Variants in HAUS3 observed in about 807,000 individuals in gnomAD.
HAUS3 encodes HAUS augmin like complex subunit 3.
Under a neutral mutation model 55.2 loss-of-function variants are expected in HAUS3, and 36 were observed. That is an observed-to-expected ratio of 0.65 (90% CI 0.50 to 0.86). The LOEUF (loss-of-function observed/expected upper bound fraction) is 0.86. HAUS3 is among the 40% of genes least tolerant of loss of function. The pLI, the probability that HAUS3 is intolerant of heterozygous loss-of-function variation, is 0.00. For missense variants in HAUS3, 752 were observed against 671.5 expected (o/e 1.12, Z -1.33); for synonymous variants, 234 against 238.6 (o/e 0.98, Z 0.18).
Position 2,242,117 on chromosome 4 carries a change from G to T in HAUS3, c.-485C>A. On this transcript the variant is annotated 5_prime_UTR_variant, in exon 1 of 6. Coordinates refer to ENST00000443786, the MANE Select transcript of HAUS3 (RefSeq NM_001303143.2). ...CCGCCCTCCGTGCCCCGCGCGCCTC[G>T]CACTGCCTCACGGGAGCGCCTGGAC... The T allele has an allele frequency of 1.0e-6, 1 of 985,820 alleles. No individual in the cohort carries two copies. Among genetic ancestry groups the T allele is most frequent in the Non-Finnish European group, 1.2e-6 (1 of 830,200 alleles). The allele number at this position is 985,820 out of a possible 1,614,324, so 61.1% of individuals were successfully genotyped here.
In HAUS3 at chr4:2,240,505, G is replaced by A. The variant is rs1339478083; in HGVS notation, c.442C>T (p.Leu148=). ...NAKEEEATKK[L]KQSQGILNAM... Reference sequence around the variant, plus strand: ...TTTAGAATTCCTTGACTCTGCTTCAGCTTTTTAGTGGCTTCTTCTTCTTTA... The same window carrying A: ...TTTAGAATTCCTTGACTCTGCTTCAACTTTTTAGTGGCTTCTTCTTCTTTA... The change falls in exon 3 of 6, where the codon CTG becomes TTG. Residue 148 remains leucine (L), a synonymous_variant. Coordinates refer to ENST00000443786, the MANE Select transcript of HAUS3 (RefSeq NM_001303143.2). 1.2e-6 allele frequency: 2 copies of A among 1,613,858 alleles called. No individual in the cohort carries two copies. The highest frequency in any genetic ancestry group is 1.7e-6 in the Non-Finnish European group (2 of 1,179,964).
At chr4:2,239,076 G>A in intron 3 of HAUS3, 33 bp from the exon 4 acceptor site, 1 of 1,149,286 alleles carries the variant, frequency 8.7e-7, no homozygotes, top group Non-Finnish European at 1.2e-6. Context: ...ATTTCAAACT[G>A]TATGCCTAAA....
chr4:2,230,914 G>C lies in HAUS3; in HGVS notation c.*1013C>G, dbSNP rs1031266169. The C allele has an allele frequency of 1.3e-5, 2 of 152,144 alleles. No individual in the cohort carries two copies. Among genetic ancestry groups the C allele is most frequent in the Non-Finnish European group, 2.9e-5 (2 of 68,026 alleles). The allele number at this position is 152,144 out of a possible 1,614,324, so 9.4% of individuals were successfully genotyped here. The stretch of plus-strand genomic sequence containing the variant: ...CAAATACCATTGTTAAATACAATTA[G>C]ACATTTTTGCTCTTAAACTGATTAA... On this transcript the variant is annotated 3_prime_UTR_variant, in exon 6 of 6. Coordinates refer to ENST00000443786, the MANE Select transcript of HAUS3 (RefSeq NM_001303143.2).
intron 5 of HAUS3, chr4:2,234,387 CTAAAGGGGGTGATGT>C: frequency 6.6e-6 from 1 of 152,542 alleles, no homozygotes; most frequent in Non-Finnish European, 1.5e-5. Flanking sequence ...GCAATGACTG[CTAAAGGGGGTGATGT>C]CTCTGTGTGC....
intron 4 of HAUS3, 127 bp from the exon 5 acceptor site, chr4:2,236,583 G>C: frequency 1.5e-6 from 1 of 669,884 alleles, no homozygotes; most frequent in Admixed American, 2.6e-5. Flanking sequence ...TATTGGCCGG[G>C]TACAGTAGCT....
At chr4:2,232,768 T>C (rs1180112067) in intron 5 of HAUS3, among the ~76,000 whole-genome samples, 1 of 152,210 alleles carries the variant, frequency 6.6e-6, no homozygotes, top group African/African-American at 2.4e-5. Context: ...TAAATTCAAA[T>C]TCCTCAGTGT....
Position 2,240,254 on chromosome 4 carries a change from T to G in HAUS3, c.693A>C (p.Glu231Asp). The G allele has an allele frequency of 6.2e-7, 1 of 1,613,830 alleles. No individual in the cohort carries two copies. Among genetic ancestry groups the G allele is most frequent in the Non-Finnish European group, 8.5e-7 (1 of 1,179,810 alleles). ...QFFQGIHEVV[E>D]SSNEDNFQLL... ...GTTGAAAATTGTCTTCATTTGAACT[T>G]TCAACTACTTCATGTATACCCTGAA... is the stretch of plus-strand genomic sequence containing the variant. The change falls in exon 3 of 6, where the codon GAA (glutamate) becomes GAC (aspartate). Residue 231 changes from glutamate to aspartate, a missense_variant. Coordinates refer to ENST00000443786, the MANE Select transcript of HAUS3 (RefSeq NM_001303143.2).
Position 2,240,790 on chromosome 4 carries a change from A to T in HAUS3, c.157T>A (p.Leu53Met), listed in dbSNP as rs113667346. 1.3e-4 allele frequency: 213 copies of T among 1,613,822 alleles called. 3 individuals are homozygous for T. The South Asian group carries it at 2.3e-3, about 17-fold the overall frequency. Reference sequence around the variant, plus strand: ...AAAGCTTCCAATTCTCTTTCAGACAACACGTTCTGTTCATTCACATTCCCA... The same window carrying T: ...AAAGCTTCCAATTCTCTTTCAGACATCACGTTCTGTTCATTCACATTCCCA... ...FCGNVNEQNVLSERELEAFSI... is the reference protein window; with the variant it reads ...FCGNVNEQNVMSERELEAFSI... Residue 53 changes from leucine (L) to methionine (M), a missense_variant, in exon 3 of 6, where the codon TTG (leucine) becomes ATG (methionine). Transcript: ENST00000443786.
intron 5 of HAUS3, 80 bp downstream of exon 5, chr4:2,236,148 C>T (rs949680657): frequency 1.9e-5 from 15 of 771,372 alleles, no homozygotes; most frequent in Non-Finnish European, 3.1e-5. Flanking sequence ...ATATTTTCCT[C>T]ATGTTAACAT....
In HAUS3 at chr4:2,230,946, A is replaced by G. The variant is rs925621205; in HGVS notation, c.*981T>C. On this transcript the variant is annotated 3_prime_UTR_variant, in exon 6 of 6. Transcript: ENST00000443786. ...TTGCTCTTAAACTGATTAAAATAGT[A>G]TCATACATCTTTTGAGCAACCACTT... is the stretch of plus-strand genomic sequence containing the variant. 18 of 152,354 alleles carry G rather than the reference A, an allele frequency of 1.2e-4. No homozygotes were observed. Among genetic ancestry groups the G allele is most frequent in the African/African-American group, 4.1e-4 (17 of 41,582 alleles). 9.4% of individuals were successfully genotyped at this position (152,354 alleles called of 1,614,324 possible).
At position 2,240,218 on chromosome 4, in the gene HAUS3, T is replaced by TAAA; in HGVS notation, c.728_729insTTT (p.Ile243_Gln244insLeu). On this transcript the variant is annotated inframe_insertion, in exon 3 of 6. Coordinates refer to ENST00000443786, the MANE Select transcript of HAUS3 (RefSeq NM_001303143.2). Reference sequence around the variant, plus strand: ...GATTATCACAAATAGATGGTGTCTGTATATCTAAAAGTTGAAAATTGTCTT... The same window carrying TAAA: ...GATTATCACAAATAGATGGTGTCTGTAAAATATCTAAAAGTTGAAAATTGTCTT... 1 of 1,613,868 alleles carries TAAA rather than the reference T, an allele frequency of 6.2e-7. No individual in the cohort carries two copies. The highest frequency in any genetic ancestry group is 8.5e-7 in the Non-Finnish European group (1 of 1,179,856).
intron 1 of HAUS3, 58 bp from the exon 2 acceptor site, chr4:2,241,848 C>T (rs1001915797): frequency 4.1e-6 from 4 of 985,400 alleles, no homozygotes; most frequent in Non-Finnish European, 4.8e-6. Context: ...CTGCAGAAGA[C>T]GGGGGTGACA....
chr4:2,240,948 G>A lies in HAUS3; in HGVS notation c.-2C>T. 3.8e-6 allele frequency: 6 copies of A among 1,583,444 alleles called. No individual in the cohort carries two copies. The highest frequency in any genetic ancestry group is 1.9e-5 in the Admixed American group (1 of 53,768). ...CACAAACTCATTTCCACAACTCATG[G>A]TTTTAACTACCCCAATTTTGTTGTA... is the stretch of plus-strand genomic sequence containing the variant. On this transcript the variant is annotated 5_prime_UTR_variant, in exon 3 of 6. Coordinates refer to ENST00000443786, the MANE Select transcript of HAUS3 (RefSeq NM_001303143.2).
chr4:2,241,234 G>C, intron 2 of HAUS3, 141 bp from the exon 3 acceptor site: 1 of 325,180 alleles, frequency 3.1e-6, no homozygotes, highest in Non-Finnish European at 5.5e-6. Context: ...TGATGATAAA[G>C]AGAAACAGAA....
intron 5 of HAUS3, 144 bp from the exon 6 acceptor site, chr4:2,232,304 T>A (rs1734610937): frequency 4.1e-6 from 2 of 482,672 alleles, no homozygotes; most frequent in East Asian, 7.2e-5. Context: ...CGATTTAAAA[T>A]CCATAACAGG....
chr4:2,236,518 A>T (rs574985921), intron 4 of HAUS3, 62 bp from the exon 5 acceptor site: 2 of 1,186,288 alleles, frequency 1.7e-6, no homozygotes, highest in African/African-American at 3.0e-5. Flanking sequence ...TTTCAAAATT[A>T]CAATCCACTG....
At chr4:2,239,085 A>C in intron 3 of HAUS3, 42 bp from the exon 4 acceptor site, 2 of 1,059,828 alleles carry the variant, frequency 1.9e-6, no homozygotes, top group Non-Finnish European at 1.3e-6. Context: ...TGTATGCCTA[A>C]ATTTGAAATC....
At chr4:2,233,423 T>C (rs1010834162) in intron 5 of HAUS3, among the ~76,000 whole-genome samples, 1 of 146,046 alleles carries the variant, frequency 6.8e-6, no homozygotes, top group African/African-American at 2.7e-5. Context: ...CATATTTTAG[T>C]GATTCTTGGA....
chr4:2,238,794 G>C lies in HAUS3; in HGVS notation c.1159C>G (p.Leu387Val), dbSNP rs142928845. 1.4e-4 allele frequency: 229 copies of C among 1,613,418 alleles called. No homozygotes were observed. The African/African-American group carries it at 2.6e-3, about 19-fold the overall frequency. Residue 387 changes from leucine (L) to valine (V), a missense_variant, in exon 4 of 6, where the codon CTA becomes GTA. Transcript: ENST00000443786. ...AATTCAATTTCATATGATAACTGTA[G>C]AAGTTCAAATGATGCCTTTTGTTTT... is the stretch of plus-strand genomic sequence containing the variant. ...LIKQKASFEL[L>V]QLSYEIELRK... is the part of the protein sequence containing the mutation.
Sources: gnomAD v4.1 joint callset for allele counts (sites outside exome capture counted in the v4.1 genomes callset) on GRCh38, gnomAD v4.1.1 for gene constraint, MANE v1.5 for transcripts, NCBI Gene and HGNC (gene_info 2026-07-23, HGNC 2026-07-21) for gene names.